LDLRAD3: variants seen among roughly 807,000 people sequenced by gnomAD.
LDLRAD3 encodes low-density lipoprotein receptor class A domain-containing protein 3.
A neutral mutation model predicts 29.4 loss-of-function variants in LDLRAD3; 20 were observed. The ratio of observed to expected loss-of-function variants is 0.68; its 90% CI spans 0.48 to 0.99. The LOEUF (loss-of-function observed/expected upper bound fraction) is 0.99, where lower values mean the gene tolerates loss of function less well. Among genes scored for constraint, LDLRAD3 ranks in the 50% least tolerant of loss-of-function variants. The pLI is 0.00. For synonymous variants in LDLRAD3, 157 were observed against 192.7 expected (o/e 0.81, Z 1.53); for missense variants, 420 against 454.3 (o/e 0.92, Z 0.69).
chr11:36,081,007 AAGTTGTACTGT>A (rs775125528), intron 2 of LDLRAD3, among the ~76,000 whole-genome samples: 103 of 152,284 alleles, frequency 6.8e-4, no homozygotes, highest in Non-Finnish European at 1.1e-3. Flanking sequence ...TGTTCAGTGT[AAGTTGTACTGT>A]TTGCATAAAC....
At chr11:36,087,708 A>G (rs1255095436) in intron 3 of LDLRAD3, among the ~76,000 whole-genome samples, 1 of 151,820 alleles carries the variant, frequency 6.6e-6, no homozygotes, top group African/African-American at 2.4e-5. Flanking sequence ...AAAACCCAGT[A>G]TATATAATTT....
intron 4 of LDLRAD3, among the ~76,000 whole-genome samples, chr11:36,184,264 C>G (rs1378480330): frequency 6.6e-6 from 1 of 152,170 alleles, no homozygotes; most frequent in Non-Finnish European, 1.5e-5. Context: ...TGTGTCCAGT[C>G]TTCCATCATT....
intron 1 of LDLRAD3, among the ~76,000 whole-genome samples, chr11:35,945,831 A>G (rs1027118858): frequency 2.0e-5 from 3 of 152,134 alleles, no homozygotes; most frequent in African/African-American, 7.2e-5. Flanking sequence ...TTGTAAAGTT[A>G]ATTTTGTCCC....
chr11:36,191,576 C>CTCTCTATATATATATATA (rs377747518), intron 4 of LDLRAD3, among the ~76,000 whole-genome samples: 3 of 53,432 alleles, frequency 5.6e-5, no homozygotes, highest in African/African-American at 1.7e-4. Context: ...CTCTCTCTCT[C>CTCTCTATATATATATATA]TATATATATA....
At chr11:36,064,577 C>T (rs962593536) in intron 2 of LDLRAD3, among the ~76,000 whole-genome samples, 1 of 150,468 alleles carries the variant, frequency 6.6e-6, no homozygotes, top group African/African-American at 2.5e-5. Flanking sequence ...TTCTTAGCCT[C>T]CCAAAGTGCT....
chr11:36,191,576 C>CTCTCTATATATATA (rs377747518), intron 4 of LDLRAD3, among the ~76,000 whole-genome samples: 5 of 53,428 alleles, frequency 9.4e-5, no homozygotes, highest in African/African-American at 3.3e-4. Context: ...CTCTCTCTCT[C>CTCTCTATATATATA]TATATATATA....
intron 1 of LDLRAD3, among the ~76,000 whole-genome samples, chr11:36,017,806 G>A (rs1852043332): frequency 6.6e-6 from 1 of 152,150 alleles, no homozygotes; most frequent in Non-Finnish European, 1.5e-5. Context: ...TTATAGGCAT[G>A]AGCCACTACA....
At chr11:36,110,032 G>C (rs747001567) in intron 4 of LDLRAD3, 1 of 152,224 alleles carries the variant, frequency 6.6e-6, no homozygotes, top group Admixed American at 6.5e-5. Flanking sequence ...AGGCAAAAAT[G>C]CTGACTCCAT....
intron 4 of LDLRAD3, among the ~76,000 whole-genome samples, chr11:36,168,409 C>G (rs1462981139): frequency 6.6e-6 from 1 of 151,460 alleles, no homozygotes; most frequent in East Asian, 1.9e-4. Flanking sequence ...TGTCAAGAAC[C>G]AGAGAAATAA....
At position 36,064,191 on chromosome 11, in the gene LDLRAD3, A is replaced by G. The variant is rs148897977; in HGVS notation, c.194-17462A>G. Among the ~76,000 whole-genome samples the G allele has an allele frequency of 1.5e-3, 228 of 152,344 alleles. 2 individuals are homozygous for G. Among genetic ancestry groups the G allele is most frequent in the African/African-American group, 5.2e-3 (216 of 41,588 alleles). On this transcript the variant is annotated intron_variant, in intron 2 of 5. Transcript: ENST00000315571. ...TACTATTGGAAATGGAATTGTTTTC[A>G]TAATTTCATTTTTGGATTGCTGATT...
At position 35,970,840 on chromosome 11, in the gene LDLRAD3, C is replaced by T. The variant is rs1011822208; in HGVS notation, c.46+26696C>T. ...GCAGTTTAGTCTCAAAGGGAGATTG[C>T]CCAGTTGCAGTTTAGATCTGCTTCT... On this transcript the variant is annotated intron_variant, in intron 1 of 5. Coordinates refer to ENST00000315571, the MANE Select transcript of LDLRAD3 (RefSeq NM_174902.4). Among the ~76,000 whole-genome samples the T allele has an allele frequency of 6.6e-5, 10 of 152,262 alleles. No homozygotes were observed. In the East Asian group the frequency reaches 1.9e-3, roughly 29 times the overall value.
At chr11:36,006,102 C>A (rs1851881965) in intron 1 of LDLRAD3, among the ~76,000 whole-genome samples, 1 of 152,292 alleles carries the variant, frequency 6.6e-6, no homozygotes, top group African/African-American at 2.4e-5. Flanking sequence ...AGTCGTTCCT[C>A]ATCCCACAGG....
chr11:36,046,556 C>A (rs1852452567), intron 2 of LDLRAD3, among the ~76,000 whole-genome samples: 1 of 152,104 alleles, frequency 6.6e-6, no homozygotes, highest in Admixed American at 6.5e-5. Flanking sequence ...TGGATTAGGA[C>A]CCACCCTAAT....
intron 2 of LDLRAD3, among the ~76,000 whole-genome samples, chr11:36,062,526 C>G (rs1180884338): frequency 6.6e-6 from 1 of 152,144 alleles, no homozygotes. Context: ...AAATCCATCT[C>G]CCTGACTGAC....
At chr11:36,090,390 C>T (rs911884519) in intron 3 of LDLRAD3, among the ~76,000 whole-genome samples, 1 of 152,034 alleles carries the variant, frequency 6.6e-6, no homozygotes, top group Non-Finnish European at 1.5e-5. Flanking sequence ...CAGTTTCAGA[C>T]ATGCAGAGTT....
At chr11:36,006,341 T>G (rs1400052834) in intron 1 of LDLRAD3, among the ~76,000 whole-genome samples, 1 of 152,222 alleles carries the variant, frequency 6.6e-6, no homozygotes. Context: ...CTCTTGACTT[T>G]TCCCAGCCTT....
chr11:35,966,356 C>T (rs1050184474), intron 1 of LDLRAD3, among the ~76,000 whole-genome samples: 16 of 152,134 alleles, frequency 1.1e-4, no homozygotes, highest in African/African-American at 1.4e-4. Context: ...ACCCGGGAGG[C>T]GGAGGTTGCA....
chr11:36,018,771 C>T (rs982540846), intron 1 of LDLRAD3, among the ~76,000 whole-genome samples: 4 of 152,200 alleles, frequency 2.6e-5, no homozygotes, highest in African/African-American at 9.6e-5. Context: ...ATCTTTTCAA[C>T]TTTTGCCAGT....
intron 4 of LDLRAD3, among the ~76,000 whole-genome samples, chr11:36,194,033 G>A (rs1183723052): frequency 6.6e-6 from 1 of 152,192 alleles, no homozygotes; most frequent in Non-Finnish European, 1.5e-5. Context: ...ATTACATAAA[G>A]TTCTTAGTAT....
Sources: allele counts gnomAD v4.1 joint callset (sites outside exome capture counted in the v4.1 genomes callset), GRCh38; gene constraint gnomAD v4.1.1; transcripts MANE v1.5; gene names NCBI Gene and HGNC (gene_info 2026-07-23, HGNC 2026-07-21).